ADGRL3: variants seen among roughly 807,000 people sequenced by gnomAD.
ADGRL3 encodes the protein calcium-independent alpha-latrotoxin receptor 3.
Under a neutral mutation model 153.5 loss-of-function variants are expected in ADGRL3, and 62 were observed. The ratio of observed to expected loss-of-function variants is 0.40; its 90% CI spans 0.33 to 0.50. The LOEUF is 0.50. Ranked by LOEUF, ADGRL3 falls within the 20% of genes least tolerant of loss-of-function variation. ADGRL3 has a pLI of 0.47. For synonymous variants in ADGRL3, 710 were observed against 672.5 expected (o/e 1.06, Z -0.86); for missense variants, 1,641 against 1,859.4 (o/e 0.88, Z 2.16).
intron 13 of ADGRL3, among the ~76,000 whole-genome samples, chr4:61,921,404 C>A (rs942540684): frequency 1.3e-5 from 2 of 152,076 alleles, no homozygotes; most frequent in African/African-American, 4.8e-5. Context: ...AGTCCTTTTC[C>A]AAAGCGTGAT....
intron 6 of ADGRL3, among the ~76,000 whole-genome samples, chr4:61,720,089 C>CTT (rs11289224): frequency 2.2e-5 from 3 of 138,208 alleles, no homozygotes; most frequent in Non-Finnish European, 3.1e-5. Flanking sequence ...CAGAGTGATA[C>CTT]TTTTTTTTTT....
chr4:61,737,840 A>G (rs1349429102), intron 8 of ADGRL3, among the ~76,000 whole-genome samples: 1 of 152,054 alleles, frequency 6.6e-6, no homozygotes, highest in Non-Finnish European at 1.5e-5. Context: ...TACTCTAAAA[A>G]TTGTATCTAC....
intron 13 of ADGRL3, among the ~76,000 whole-genome samples, chr4:61,927,272 G>A (rs1370460887): frequency 6.6e-6 from 1 of 151,860 alleles, no homozygotes; most frequent in Non-Finnish European, 1.5e-5. Flanking sequence ...ACATGATAGA[G>A]ATTTATTTGA....
chr4:61,393,856 G>C (rs2096840591), intron 2 of ADGRL3, among the ~76,000 whole-genome samples: 1 of 151,994 alleles, frequency 6.6e-6, no homozygotes, highest in Non-Finnish European at 1.5e-5. Context: ...ATTAGTGTCT[G>C]GTGTGCATAA....
chr4:61,552,488 G>A (rs959228418), intron 4 of ADGRL3, among the ~76,000 whole-genome samples: 2 of 151,978 alleles, frequency 1.3e-5, no homozygotes, highest in African/African-American at 4.8e-5. Context: ...TTTTGTGACA[G>A]GATTTCGCTC....
chr4:61,719,326 T>C (rs4860427), intron 6 of ADGRL3, among the ~76,000 whole-genome samples: 70,636 of 151,832 alleles, frequency 0.47, 16,850 homozygotes, highest in Admixed American at 0.55. Flanking sequence ...GTAGAAACCA[T>C]TCACTATCCA....
chr4:61,898,762 A>G (rs1438945520), intron 11 of ADGRL3, among the ~76,000 whole-genome samples: 5 of 151,986 alleles, frequency 3.3e-5, no homozygotes, highest in Non-Finnish European at 7.4e-5. Flanking sequence ...GACTACAGGC[A>G]CACACTGCAA....
chr4:62,018,235 T>C (rs2099222295), intron 21 of ADGRL3, among the ~76,000 whole-genome samples: 1 of 152,056 alleles, frequency 6.6e-6, no homozygotes, highest in Non-Finnish European at 1.5e-5. Flanking sequence ...AGTCTAGGCG[T>C]ATTAAAAGCA....
chr4:61,544,366 C>T (rs916497331), intron 4 of ADGRL3, among the ~76,000 whole-genome samples: 3 of 152,190 alleles, frequency 2.0e-5, no homozygotes, highest in Non-Finnish European at 2.9e-5. Context: ...GCTATTTGGA[C>T]AACACCTTCT....
At chr4:62,034,841 T>A (rs1333746825) in intron 23 of ADGRL3, among the ~76,000 whole-genome samples, 1 of 151,900 alleles carries the variant, frequency 6.6e-6, no homozygotes, top group East Asian at 1.9e-4. Flanking sequence ...TTGTCATACA[T>A]TCAAATATTT....
intron 9 of ADGRL3, among the ~76,000 whole-genome samples, chr4:61,856,561 CTCTCTCTCTT>C (rs1285056840): frequency 1.6e-5 from 2 of 124,962 alleles, no homozygotes; most frequent in Non-Finnish European, 1.7e-5. Context: ...CTCTCTGTCT[CTCTCTCTCTT>C]TCTCTCTCTC....
chr4:61,782,170 C>A (rs1561241943), intron 8 of ADGRL3, among the ~76,000 whole-genome samples: 2 of 152,126 alleles, frequency 1.3e-5, no homozygotes, highest in African/African-American at 2.4e-5. Context: ...ACATTGATTG[C>A]ATCCTAAATA....
At chr4:61,620,156 A>T (rs1285744316) in intron 5 of ADGRL3, among the ~76,000 whole-genome samples, 1 of 152,040 alleles carries the variant, frequency 6.6e-6, no homozygotes, top group African/African-American at 2.4e-5. Flanking sequence ...CTTCCCAGTA[A>T]ATATAACAGA....
At chr4:62,001,375 A>T (rs2099139680) in intron 21 of ADGRL3, among the ~76,000 whole-genome samples, 1 of 152,166 alleles carries the variant, frequency 6.6e-6, no homozygotes, top group African/African-American at 2.4e-5. Flanking sequence ...GAACTGGGGT[A>T]GCTCAGTGAA....
At chr4:61,250,971 C>A (rs560136868) in intron 1 of ADGRL3, among the ~76,000 whole-genome samples, 1 of 152,220 alleles carries the variant, frequency 6.6e-6, no homozygotes, top group African/African-American at 2.4e-5. Context: ...ACTACCGTTT[C>A]TATTATGGAA....
chr4:61,381,948 G>A (rs1470725664), intron 1 of ADGRL3, among the ~76,000 whole-genome samples: 1 of 151,964 alleles, frequency 6.6e-6, no homozygotes, highest in Non-Finnish European at 1.5e-5. Flanking sequence ...AAAAGATACA[G>A]TGAGTTTCAT....
chr4:61,648,536 G>GT (rs2094130850), intron 5 of ADGRL3, among the ~76,000 whole-genome samples: 1 of 147,220 alleles, frequency 6.8e-6, no homozygotes, highest in Admixed American at 6.8e-5. Context: ...TTTTTTTTCT[G>GT]TTTCTTTTGG....
At chr4:61,221,144 C>A (rs916528089) in intron 1 of ADGRL3, among the ~76,000 whole-genome samples, 1 of 152,130 alleles carries the variant, frequency 6.6e-6, no homozygotes, top group Non-Finnish European at 1.5e-5. Context: ...AAGTTAACTT[C>A]TCTCATGCTG....
chr4:61,804,837 C>A (rs773779009), intron 8 of ADGRL3, among the ~76,000 whole-genome samples: 1 of 152,150 alleles, frequency 6.6e-6, no homozygotes, highest in Non-Finnish European at 1.5e-5. Context: ...CATTTTGTAT[C>A]TTAGAGCCTT....
Sources: allele counts gnomAD v4.1 joint callset (sites outside exome capture counted in the v4.1 genomes callset), GRCh38; gene constraint gnomAD v4.1.1; transcripts MANE v1.5; gene names NCBI Gene and HGNC (gene_info 2026-07-23, HGNC 2026-07-21).